SHTN1: variants seen among roughly 807,000 people sequenced by gnomAD.
The protein encoded by SHTN1 is shootin 1.
In SHTN1, 42 loss-of-function variants were observed where a neutral mutation model predicts 83.1. The ratio of observed to expected loss-of-function variants is 0.51; its 90% CI spans 0.39 to 0.65. The LOEUF is 0.65. SHTN1 is among the 30% of genes least tolerant of loss of function. SHTN1 has a pLI of 0.00. For missense variants in SHTN1, 622 were observed against 737.8 expected (o/e 0.84, Z 1.82); for synonymous variants, 224 against 247.7 (o/e 0.90, Z 0.90).
intron 1 of SHTN1, among the ~76,000 whole-genome samples, chr10:116,984,839 T>C (rs548072828): frequency 2.0e-5 from 3 of 152,346 alleles, no homozygotes; most frequent in South Asian, 4.1e-4. Context: ...AATCCCACTC[T>C]ACTGCCCACC....
At chr10:117,114,292 A>G (rs1340211275) in intron 1 of SHTN1, among the ~76,000 whole-genome samples, 1 of 152,206 alleles carries the variant, frequency 6.6e-6, no homozygotes, top group African/African-American at 2.4e-5. Flanking sequence ...TTATTTAGTC[A>G]ATAAATAGTG....
intron 13 of SHTN1, among the ~76,000 whole-genome samples, chr10:116,914,819 GGA>G (rs1447529176): frequency 3.3e-5 from 5 of 152,164 alleles, no homozygotes; most frequent in Non-Finnish European, 7.4e-5. Flanking sequence ...GTCTAGTTTA[GGA>G]GAGAGTTTTT....
chr10:117,023,911 C>G (rs1852294583), intron 2 of SHTN1: 1 of 152,616 alleles, frequency 6.6e-6, no homozygotes, highest in Admixed American at 6.5e-5. Context: ...GCTGTTTTTA[C>G]AAAGTCTATA....
chr10:116,953,634 T>G (rs564218812), intron 5 of SHTN1, among the ~76,000 whole-genome samples: 1,817 of 142,706 alleles, frequency 0.013, 35 homozygotes, highest in Non-Finnish European at 0.02. Context: ...TTTTTTTTTT[T>G]TTTTTTTTTT....
chr10:117,089,994 C>T (rs936915636), intron 1 of SHTN1, among the ~76,000 whole-genome samples: 21 of 152,224 alleles, frequency 1.4e-4, no homozygotes, highest in African/African-American at 4.6e-4. Flanking sequence ...TAAAATAGTG[C>T]AGCCGCTATG....
At chr10:117,019,760 A>G (rs1313337114) in intron 2 of SHTN1, among the ~76,000 whole-genome samples, 1 of 151,524 alleles carries the variant, frequency 6.6e-6, no homozygotes, top group Non-Finnish European at 1.5e-5. Flanking sequence ...TGAGGAGGTT[A>G]AGGTTACAGT....
intron 13 of SHTN1, among the ~76,000 whole-genome samples, chr10:116,914,354 T>C (rs1848304949): frequency 6.6e-6 from 1 of 151,856 alleles, no homozygotes; most frequent in South Asian, 2.1e-4. Flanking sequence ...CGCCTGTAGT[T>C]CCAGCTACTT....
At chr10:117,074,633 G>A (rs1347331512) in intron 1 of SHTN1, among the ~76,000 whole-genome samples, 4 of 152,096 alleles carry the variant, frequency 2.6e-5, no homozygotes, top group Admixed American at 1.3e-4. Context: ...TCACTTTCCA[G>A]AACAATACAG....
chr10:116,966,967 A>AT (rs1261779780), intron 3 of SHTN1, among the ~76,000 whole-genome samples: 1 of 152,228 alleles, frequency 6.6e-6, no homozygotes, highest in Admixed American at 6.5e-5. Flanking sequence ...TATCAATAAG[A>AT]TTCCCCTTGG....
intron 1 of SHTN1, among the ~76,000 whole-genome samples, chr10:117,096,454 G>A (rs1853504461): frequency 6.6e-6 from 1 of 152,144 alleles, no homozygotes; most frequent in Admixed American, 6.5e-5. Flanking sequence ...GAAATGTAAG[G>A]ACAAAATTGT....
rs756583939 is a variant in SHTN1 at position 116,951,956 on chromosome 10, T to C, written c.487A>G (p.Ile163Val). 1 of 1,600,572 alleles carries C rather than the reference T, an allele frequency of 6.2e-7. No homozygotes were observed. The highest frequency in any genetic ancestry group is 1.1e-5 in the South Asian group (1 of 88,272). The change falls in exon 6 of 17, where the codon ATT becomes GTT. Residue 163 changes from isoleucine (I) to valine (V), a missense_variant. This residue lies in a region of SHTN1 where 383 missense variants were observed against 455.8 expected (regional missense o/e 0.84). Coordinates refer to ENST00000355371, the MANE Select transcript of SHTN1 (RefSeq NM_001127211.3). The part of the protein sequence containing the change: ...SVQEEKKILA[I>V]ELENLKSKLV... ...TTGCTCTTGAGATTTTCCAGCTCAA[T>C]GGCTAAAATCTTCTTTTCCTCCTGA...
chr10:117,071,248 A>G (rs1853077331), intron 1 of SHTN1, among the ~76,000 whole-genome samples: 1 of 152,282 alleles, frequency 6.6e-6, no homozygotes, highest in East Asian at 1.9e-4. Context: ...CATTGGTGAA[A>G]TATTTAATTT....
chr10:117,050,770 C>T (rs1564942161), intron 1 of SHTN1, among the ~76,000 whole-genome samples: 2 of 152,054 alleles, frequency 1.3e-5, no homozygotes, highest in South Asian at 2.1e-4. Context: ...CATGGTGACA[C>T]AGCCCAGGCT....
chr10:116,988,375 A>G (rs1035372910), intron 1 of SHTN1, among the ~76,000 whole-genome samples: 1 of 151,792 alleles, frequency 6.6e-6, no homozygotes. Context: ...AAATGGAATC[A>G]AGCCTAAAGG....
intron 2 of SHTN1, among the ~76,000 whole-genome samples, chr10:117,026,193 A>C (rs1852330573): frequency 6.6e-6 from 1 of 152,136 alleles, no homozygotes; most frequent in Non-Finnish European, 1.5e-5. Context: ...CCACTGCCTG[A>C]AAGTTTGAGT....
intron 16 of SHTN1, among the ~76,000 whole-genome samples, chr10:116,898,480 C>T (rs751659451): frequency 4.6e-5 from 7 of 152,042 alleles, no homozygotes; most frequent in Admixed American, 3.3e-4. Context: ...AAGAGGTTTG[C>T]ACTTAATGTG....
At chr10:116,904,741 T>G (rs1211480253) in intron 15 of SHTN1, among the ~76,000 whole-genome samples, 1 of 152,232 alleles carries the variant, frequency 6.6e-6, no homozygotes, top group Non-Finnish European at 1.5e-5. Flanking sequence ...ATAAAAACCT[T>G]TGCTCATTTC....
intron 2 of SHTN1, among the ~76,000 whole-genome samples, chr10:116,970,552 A>G (rs1850579198): frequency 6.6e-6 from 1 of 152,090 alleles, no homozygotes; most frequent in South Asian, 2.1e-4. Flanking sequence ...CATCTCTACT[A>G]AAAATACAAA....
intron 1 of SHTN1, among the ~76,000 whole-genome samples, chr10:117,102,868 TA>T (rs1853614204): frequency 6.6e-6 from 1 of 152,172 alleles, no homozygotes. Context: ...GGACTCAGCA[TA>T]ACTACTGGCC....
Sources: gnomAD v4.1 joint callset for allele counts (sites outside exome capture counted in the v4.1 genomes callset) on GRCh38, gnomAD v4.1.1 for gene constraint, gnomAD v4.1.1 regional missense constraint, MANE v1.5 for transcripts, NCBI Gene and HGNC (gene_info 2026-07-23, HGNC 2026-07-21) for gene names.